Variants in PIEZO2 observed in about 807,000 individuals in gnomAD.
PIEZO2 encodes piezo type mechanosensitive ion channel component 2.
Under a neutral mutation model 337.3 loss-of-function variants are expected in PIEZO2, and 172 were observed. That is an observed-to-expected ratio of 0.51 (90% CI 0.45 to 0.58). PIEZO2 has a LOEUF of 0.58. Ranked by LOEUF, PIEZO2 falls within the 20% of genes least tolerant of loss-of-function variation. The probability of loss-of-function intolerance (pLI) is 0.00; values close to 1 mark genes in which losing one functional copy is unlikely to be tolerated. For synonymous variants in PIEZO2, 1,251 were observed against 1,228.5 expected, an observed-to-expected ratio of 1.02 and a Z score of -0.38; for missense variants, 3,028 against 3,391.3, an observed-to-expected ratio of 0.89 and a Z score of 2.66.
rs946748933 is a variant in PIEZO2 at position 10,784,026 on chromosome 18, T to C, written c.2492+758A>G. On this transcript the variant is annotated intron_variant, in intron 17 of 55. Coordinates refer to ENST00000674853, the MANE Select transcript of PIEZO2 (RefSeq NM_001378183.1). This position sits in a 1 kb window ranked among gnomAD's most constrained non-coding sequence, Gnocchi z 4.5. Reference sequence around the variant, plus strand: ...ACAGCCCTTTGCTCCCTTAGCTGCTTAACAAGTATTTTTCCAATATCTGAA... The same window carrying C: ...ACAGCCCTTTGCTCCCTTAGCTGCTCAACAAGTATTTTTCCAATATCTGAA... Among the ~76,000 whole-genome samples, 1 of 152,212 alleles carries C rather than the reference T, an allele frequency of 6.6e-6. No individual in the cohort carries two copies. The highest frequency in any genetic ancestry group is 1.5e-5 in the Non-Finnish European group (1 of 68,034).
chr18:10,804,332 G>A (rs1215386405), intron 8 of PIEZO2, among the ~76,000 whole-genome samples: 1 of 152,192 alleles, frequency 6.6e-6, no homozygotes, highest in Non-Finnish European at 1.5e-5. Context: ...TCACAAAGGT[G>A]CGCGGTTAAC....
At chr18:10,921,807 C>T (rs1240446830) in intron 3 of PIEZO2, among the ~76,000 whole-genome samples, 8 of 152,272 alleles carry the variant, frequency 5.3e-5, no homozygotes, top group South Asian at 2.1e-4. Flanking sequence ...AGAGAATACT[C>T]GCCTGAGGGT....
Position 10,979,210 on chromosome 18 carries a change from T to A in PIEZO2, c.286+325A>T, listed in dbSNP as rs962972072. Reference sequence around the variant, plus strand: ...TAGAAATTGTACCTTTTTTTTTTTTTACTCGCTGTAATGAAAGCTCCAAGG... The same window carrying A: ...TAGAAATTGTACCTTTTTTTTTTTTAACTCGCTGTAATGAAAGCTCCAAGG... On this transcript the variant is annotated intron_variant, in intron 3 of 55. Coordinates refer to ENST00000674853, the MANE Select transcript of PIEZO2 (RefSeq NM_001378183.1). This position sits in a 1 kb window ranked among gnomAD's most constrained non-coding sequence, Gnocchi z 4.0. 1.3e-5 allele frequency among the ~76,000 whole-genome samples: 2 copies of A among 151,142 alleles called. No individual in the cohort carries two copies. Among genetic ancestry groups the A allele is most frequent in the African/African-American group, 2.5e-5 (1 of 40,812 alleles).
rs1281573996 is a variant in PIEZO2 at position 11,132,333 on chromosome 18, C to T, written c.64+16192G>A. The stretch of plus-strand genomic sequence containing the variant: ...GCAGCAGGCTCATGCTCATGGAATC[C>T]AATGTGCTCTTACTATATTCCCCAT... On this transcript the variant is annotated intron_variant, in intron 1 of 55. Coordinates refer to ENST00000674853, the MANE Select transcript of PIEZO2 (RefSeq NM_001378183.1). The surrounding 1 kb of genome is among the most constrained non-coding windows in gnomAD (Gnocchi z 4.7). 6.6e-6 allele frequency among the ~76,000 whole-genome samples: 1 copy of T among 152,138 alleles called. No individual in the cohort carries two copies.
intron 3 of PIEZO2, among the ~76,000 whole-genome samples, chr18:10,934,018 G>A (rs919893574): frequency 8.5e-5 from 13 of 152,332 alleles, no homozygotes; most frequent in Non-Finnish European, 1.8e-4. Flanking sequence ...CAAGTCCAGG[G>A]TAAGTCTTTA....
rs543354191 is a variant in PIEZO2 at position 11,051,143 on chromosome 18, T to G, written c.160+14984A>C. ...GCCATCACAACCCAATGGAAGAGAC[T>G]TCAGAGAAACCCACACAGGCACCAG... On this transcript the variant is annotated intron_variant, in intron 2 of 55. Coordinates refer to ENST00000674853, the MANE Select transcript of PIEZO2 (RefSeq NM_001378183.1). 2.0e-4 allele frequency among the ~76,000 whole-genome samples: 31 copies of G among 152,228 alleles called. No individual in the cohort carries two copies. In the South Asian group the frequency reaches 6.4e-3, roughly 32 times the overall value.
chr18:10,955,659 C>T (rs114163547), intron 3 of PIEZO2, among the ~76,000 whole-genome samples: 2,167 of 152,282 alleles, frequency 0.014, 51 homozygotes, highest in African/African-American at 0.049. Context: ...GTAAGAAGAT[C>T]TCTACTATAT....
rs1192008043 is a variant in PIEZO2, at chr18:10,993,526, T to C, written c.161-13866A>G. ...ATAGATTACGTTTTTGTTGTTGTTGTTGTTGTTGTTGTTGTTTTGAGGCGG... is the reference window on the plus strand; with the variant it reads ...ATAGATTACGTTTTTGTTGTTGTTGCTGTTGTTGTTGTTGTTTTGAGGCGG... On this transcript the variant is annotated intron_variant, in intron 2 of 55. Transcript: ENST00000674853. The surrounding 1 kb of genome is among the most constrained non-coding windows in gnomAD (Gnocchi z 5.0). 2.0e-5 allele frequency among the ~76,000 whole-genome samples: 3 copies of C among 152,064 alleles called. No homozygotes were observed. Among genetic ancestry groups the C allele is most frequent in the Non-Finnish European group, 4.4e-5 (3 of 68,010 alleles).
In PIEZO2 at chr18:10,750,669, G is replaced by A. The variant is rs35177454; in HGVS notation, c.4168-482C>T. ...TGAGTCTTGTTTGACCAATTCTCTC[G>A]GTAAAGGAGTATTTTTTGTAGATTG... On this transcript the variant is annotated intron_variant, in intron 28 of 55. Coordinates refer to ENST00000674853, the MANE Select transcript of PIEZO2 (RefSeq NM_001378183.1). The surrounding 1 kb of genome is among the most constrained non-coding windows in gnomAD (Gnocchi z 4.1). Among the ~76,000 whole-genome samples, 30,788 of 152,080 alleles carry A rather than the reference G, an allele frequency of 0.2. 3,701 individuals are homozygous for A. Among genetic ancestry groups the A allele is most frequent in the South Asian group, 0.28 (1,361 of 4,812 alleles).
Position 10,677,189 on chromosome 18 carries a change from T to C in PIEZO2, c.8081+558A>G, listed in dbSNP as rs891273346. On this transcript the variant is annotated intron_variant, in intron 53 of 55. Transcript: ENST00000674853. This position sits in a 1 kb window ranked among gnomAD's most constrained non-coding sequence, Gnocchi z 4.1. ...ATGAGCTCCCTGTAGCCTGGCACCA[T>C]ACAAACCCTCATTCATTTGTTTTTT... is the stretch of plus-strand genomic sequence containing the variant. Among the ~76,000 whole-genome samples the C allele has an allele frequency of 4.6e-5, 7 of 152,200 alleles. No individual in the cohort carries two copies. Among genetic ancestry groups the C allele is most frequent in the African/African-American group, 1.4e-4 (6 of 41,460 alleles).
intron 1 of PIEZO2, among the ~76,000 whole-genome samples, chr18:11,140,146 C>T (rs1047408361): frequency 2.0e-5 from 3 of 152,224 alleles, no homozygotes; most frequent in African/African-American, 7.2e-5. Flanking sequence ...CAGAGCTCTT[C>T]ATGGACACCT....
Position 10,767,540 on chromosome 18 carries a change from G to A in PIEZO2, c.2946+2608C>T, listed in dbSNP as rs548076067. On this transcript the variant is annotated intron_variant, in intron 21 of 55. Transcript: ENST00000674853. The surrounding 1 kb of genome is among the most constrained non-coding windows in gnomAD (Gnocchi z 4.2). The stretch of plus-strand genomic sequence containing the variant: ...GCAGGGAGGAGAACGTCCTCTGCGC[G>A]CAGCCCGAGTGAGGAGCTAATGACT... 2.0e-4 allele frequency among the ~76,000 whole-genome samples: 30 copies of A among 152,268 alleles called. No homozygotes were observed. Among genetic ancestry groups the A allele is most frequent in the African/African-American group, 3.1e-4 (13 of 41,562 alleles).
intron 1 of PIEZO2, among the ~76,000 whole-genome samples, chr18:11,118,192 C>T (rs2039939181): frequency 6.6e-6 from 1 of 152,170 alleles, no homozygotes; most frequent in South Asian, 2.1e-4. Flanking sequence ...ACCTGTGAAG[C>T]ACTGCTGAAG....
rs1224035140 is a variant in PIEZO2 at position 11,009,465 on chromosome 18, G to T, written c.161-29805C>A. Among the ~76,000 whole-genome samples, 1 of 152,184 alleles carries T rather than the reference G, an allele frequency of 6.6e-6. No individual in the cohort carries two copies. Among genetic ancestry groups the T allele is most frequent in the Non-Finnish European group, 1.5e-5 (1 of 68,032 alleles). On this transcript the variant is annotated intron_variant, in intron 2 of 55. Transcript: ENST00000674853. The surrounding 1 kb of genome is among the most constrained non-coding windows in gnomAD (Gnocchi z 4.6). ...GTGCTGGAGATTCAGCTGAAGGGAG[G>T]TTGAGCCCAGCTCAGCTCATGGACT...
chr18:10,920,172 T>C (rs1047016482), intron 3 of PIEZO2, among the ~76,000 whole-genome samples: 3 of 152,194 alleles, frequency 2.0e-5, no homozygotes, highest in Non-Finnish European at 4.4e-5. Flanking sequence ...ACTCTTGCTC[T>C]TATCAATATC....
chr18:11,032,088 A>G lies in PIEZO2; in HGVS notation c.160+34039T>C, dbSNP rs1359662932. On this transcript the variant is annotated intron_variant, in intron 2 of 55. Coordinates refer to ENST00000674853, the MANE Select transcript of PIEZO2 (RefSeq NM_001378183.1). The surrounding 1 kb of genome is among the most constrained non-coding windows in gnomAD (Gnocchi z 4.9). ...CATTTTTCAGGACCTGCCATGTACC[A>G]AAGCGTGTGCTACATGGCCCCAATC... is the stretch of plus-strand genomic sequence containing the variant. 6.6e-6 allele frequency among the ~76,000 whole-genome samples: 1 copy of G among 152,208 alleles called. No homozygotes were observed. The highest frequency in any genetic ancestry group is 2.4e-5 in the African/African-American group (1 of 41,456).
intron 2 of PIEZO2, among the ~76,000 whole-genome samples, chr18:11,012,220 A>G (rs1016963567): frequency 2.0e-5 from 3 of 152,206 alleles, no homozygotes; most frequent in Admixed American, 6.5e-5. Context: ...TTTAAGTTCC[A>G]TAAGTGCTCC....
At chr18:10,950,648 T>C (rs2033251619) in intron 3 of PIEZO2, among the ~76,000 whole-genome samples, 1 of 152,238 alleles carries the variant, frequency 6.6e-6, no homozygotes, top group Non-Finnish European at 1.5e-5. Flanking sequence ...TTCTAAACCA[T>C]AGATCCATTT....
chr18:10,740,850 A>G, intron 33 of PIEZO2, 181 bp downstream of exon 33: 1 of 713,750 alleles, frequency 1.4e-6, no homozygotes, highest in Non-Finnish European at 2.5e-6. Context: ...ATGTCTCTGG[A>G]AGAATTGGAC....
Sources: allele counts gnomAD v4.1 joint callset (sites outside exome capture counted in the v4.1 genomes callset), GRCh38; gene constraint gnomAD v4.1.1; non-coding constraint Gnocchi (gnomAD v3.1); transcripts MANE v1.5; gene names NCBI Gene and HGNC (gene_info 2026-07-23, HGNC 2026-07-21).